HSPA12B: variants seen among roughly 807,000 people sequenced by gnomAD.
HSPA12B encodes the protein heat shock protein family A (Hsp70) member 12B.
In HSPA12B, 54 loss-of-function variants were observed where a neutral mutation model predicts 69.3. That is an observed-to-expected ratio of 0.78 (90% CI 0.63 to 0.98). The LOEUF is 0.98. Among genes scored for constraint, HSPA12B ranks in the 50% least tolerant of loss-of-function variants. HSPA12B has a pLI of 0.00. For missense variants in HSPA12B, 929 were observed against 999.8 expected (o/e 0.93, Z 0.96); for synonymous variants, 441 against 436.5 (o/e 1.01, Z -0.13).
Position 3,751,726 on chromosome 20 carries a change from C to G in HSPA12B, c.1621C>G (p.Leu541Val). Residue 541 changes from leucine (L) to valine (V), a missense_variant, in exon 13 of 13, where the codon CTC becomes GTC. Transcript: ENST00000254963. ...CGTGGTGCGGGTCCGCCGCTCGCCGCTCACCTATGGCGTGGGCGTGCTCAA... is the reference window on the plus strand; with the variant it reads ...CGTGGTGCGGGTCCGCCGCTCGCCGGTCACCTATGGCGTGGGCGTGCTCAA... ...PGVVRVRRSP[L>V]TYGVGVLNRF... The G allele has an allele frequency of 6.7e-7, 1 of 1,497,428 alleles. No homozygotes were observed. Among genetic ancestry groups the G allele is most frequent in the Non-Finnish European group, 8.9e-7 (1 of 1,127,216 alleles). The allele number at this position is 1,497,428 out of a possible 1,614,324, so 92.8% of individuals were successfully genotyped here.
rs111531950 is a variant in HSPA12B, at chr20:3,740,318, C to T, written c.44-497C>T. Among the ~76,000 whole-genome samples, 20 of 152,252 alleles carry T rather than the reference C, an allele frequency of 1.3e-4. No homozygotes were observed. The highest frequency in any genetic ancestry group is 1.9e-4 in the African/African-American group (8 of 41,536). On this transcript the variant is annotated intron_variant, in intron 2 of 12. Transcript: ENST00000254963. This position sits in a 1 kb window ranked among gnomAD's most constrained non-coding sequence, Gnocchi z 4.9. Reference sequence around the variant, plus strand: ...TTGTGGGCATGGGAGCTGCAGAGTTCCCTCAAGTCCTGATTAGAACCACGT... The same window carrying T: ...TTGTGGGCATGGGAGCTGCAGAGTTTCCTCAAGTCCTGATTAGAACCACGT...
In HSPA12B at chr20:3,752,453, G is replaced by A; in HGVS notation, c.*287G>A. Reference sequence around the variant, plus strand: ...AAGACAGAGCGCGCAGCCCGGCAAGGGGCATGTGACCCCGAAGGAAGAACG... The same window carrying A: ...AAGACAGAGCGCGCAGCCCGGCAAGAGGCATGTGACCCCGAAGGAAGAACG... On this transcript the variant is annotated 3_prime_UTR_variant, in exon 13 of 13. Transcript: ENST00000254963. 1 of 359,706 alleles carries A rather than the reference G, an allele frequency of 2.8e-6. No homozygotes were observed. The highest frequency in any genetic ancestry group is 5.0e-6 in the Non-Finnish European group (1 of 200,200). 22.3% of individuals were successfully genotyped at this position (359,706 alleles called of 1,614,324 possible). A position where few individuals can be genotyped will look rare whatever the true frequency, so the allele number is the denominator to read the frequency against.
chr20:3,740,760 C>T lies in HSPA12B; in HGVS notation c.44-55C>T, dbSNP rs960846796. 10 of 1,501,796 alleles carry T rather than the reference C, an allele frequency of 6.7e-6. No homozygotes were observed. The highest frequency in any genetic ancestry group is 4.7e-5 in the South Asian group (4 of 85,858). The allele number at this position is 1,501,796 out of a possible 1,614,324, so 93.0% of individuals were successfully genotyped here. ...CCTTTGGGTGCCTGGCTTGGGGCCC[C>T]GCTGCCATACCTACCCTGCTTGTGC... On this transcript the variant is annotated intron_variant, in intron 2 of 12. Transcript: ENST00000254963. The surrounding 1 kb of genome is among the most constrained non-coding windows in gnomAD (Gnocchi z 4.9).
intron 8 of HSPA12B, among the ~76,000 whole-genome samples, 174 bp downstream of exon 8, chr20:3,748,565 G>A (rs1468506989): frequency 1.3e-5 from 2 of 152,196 alleles, no homozygotes; most frequent in African/African-American, 2.4e-5. Flanking sequence ...GCACAGCCCT[G>A]CCCAAGGGCA....
chr20:3,747,516 C>T (rs1417775093), intron 7 of HSPA12B, among the ~76,000 whole-genome samples: 2 of 152,192 alleles, frequency 1.3e-5, no homozygotes, highest in Non-Finnish European at 2.9e-5. Flanking sequence ...CCATTCACAC[C>T]CTTATCCCTC....
rs1469705369 is a variant in HSPA12B at position 3,749,951 on chromosome 20, C to T, written c.1043-18C>T. ...CCGGCGAGCGCTGACGCCCTCTTCGCCCCCTGCTCCACCCCAGGGGGCCCT... is the reference window on the plus strand; with the variant it reads ...CCGGCGAGCGCTGACGCCCTCTTCGTCCCCTGCTCCACCCCAGGGGGCCCT... On this transcript the variant is annotated intron_variant, in intron 10 of 12. Transcript: ENST00000254963. This position sits in a 1 kb window ranked among gnomAD's most constrained non-coding sequence, Gnocchi z 5.5. 7 of 1,552,180 alleles carry T rather than the reference C, an allele frequency of 4.5e-6. No homozygotes were observed. The highest frequency in any genetic ancestry group is 6.1e-6 in the Non-Finnish European group (7 of 1,146,168).
rs145522794 is a variant in HSPA12B, at chr20:3,752,233, G to T, written c.*67G>T. The T allele has an allele frequency of 8.2e-4, 1,131 of 1,373,400 alleles. 15 individuals are homozygous for T. In the African/African-American group the frequency reaches 0.016, roughly 19 times the overall value. 85.1% of individuals were successfully genotyped at this position (1,373,400 alleles called of 1,614,324 possible). A position where few individuals can be genotyped will look rare whatever the true frequency, so the allele number is the denominator to read the frequency against. ...CCCTCTTTCGGTTCAGGGGCCTGCG[G>T]AGCGGGTTGGGGCGGGGGAAACGAT... On this transcript the variant is annotated 3_prime_UTR_variant, in exon 13 of 13. Coordinates refer to ENST00000254963, the MANE Select transcript of HSPA12B (RefSeq NM_052970.5).
intron 8 of HSPA12B, among the ~76,000 whole-genome samples, chr20:3,748,783 C>T (rs1336371685): frequency 1.3e-5 from 2 of 152,052 alleles, no homozygotes; most frequent in Non-Finnish European, 2.9e-5. Context: ...CAGCTGTCCC[C>T]TTCACTCCCC....
rs933856105 is a variant in HSPA12B, at chr20:3,732,732, C to G, written c.-80C>G. The G allele has an allele frequency of 6.6e-6, 1 of 151,764 alleles. No individual in the cohort carries two copies. Among genetic ancestry groups the G allele is most frequent in the Non-Finnish European group, 1.5e-5 (1 of 67,832 alleles). The allele number at this position is 151,764 out of a possible 1,614,324, so 9.4% of individuals were successfully genotyped here. ...CTGCGGCCGCCGCAGCGGGCACGGC[C>G]AACGAGCTGCGGGCCCGGGATCGCG... is the stretch of plus-strand genomic sequence containing the variant. On this transcript the variant is annotated 5_prime_UTR_variant, in exon 1 of 13. Transcript: ENST00000254963.
intron 4 of HSPA12B, among the ~76,000 whole-genome samples, chr20:3,743,685 T>G (rs1260032026): frequency 6.6e-6 from 1 of 152,200 alleles, no homozygotes; most frequent in East Asian, 1.9e-4. Flanking sequence ...AGTACAGATG[T>G]GTCATAATTT....
chr20:3,751,502 G>C lies in HSPA12B; in HGVS notation c.1406-9G>C. The C allele has an allele frequency of 7.1e-7, 1 of 1,410,968 alleles. No individual in the cohort carries two copies. The highest frequency in any genetic ancestry group is 9.2e-7 in the Non-Finnish European group (1 of 1,083,776). 87.4% of individuals were successfully genotyped at this position (1,410,968 alleles called of 1,614,324 possible). A position where few individuals can be genotyped will look rare whatever the true frequency, so the allele number is the denominator to read the frequency against. On this transcript the variant is annotated splice_polypyrimidine_tract_variant and intron_variant, in intron 12 of 12. Coordinates refer to ENST00000254963, the MANE Select transcript of HSPA12B (RefSeq NM_052970.5). ...CCCTTCACCCGCGTCCCCCCGTCCT[G>C]TCCCGCAGAGGCCCTGCTGGCACGG...
intron 1 of HSPA12B, among the ~76,000 whole-genome samples, chr20:3,734,041 G>A (rs1321128): frequency 0.17 from 26,044 of 152,228 alleles, 2,636 homozygotes; most frequent in East Asian, 0.3. Context: ...GGTGGCTCAC[G>A]CCTGTAATCC....
rs1373365012 is a variant in HSPA12B at position 3,752,039 on chromosome 20, GCGCGCCTCCCGGCCGCCGCGAGATC to G, written c.1941_1965del (p.Gly649CysfsTer62). On this transcript the variant is annotated frameshift_variant, in exon 13 of 13. Coordinates refer to ENST00000254963, the MANE Select transcript of HSPA12B (RefSeq NM_052970.5). LOFTEE classifies it high-confidence loss of function. ...GCCGACTGCGGCCAGGACACCGCCG[GCGCGCCTCCCGGCCGCCGCGAGATC>G]CGCGCCGCCATGCAGTTTGGCGACA... 1.3e-6 allele frequency: 2 copies of G among 1,552,456 alleles called. No homozygotes were observed. Among genetic ancestry groups the G allele is most frequent in the East Asian group, 2.4e-5 (1 of 42,438 alleles).
rs1425208348 is a variant in HSPA12B, at chr20:3,737,105, T to TAA, written c.-17-1552_-17-1551insAA. Among the ~76,000 whole-genome samples the TAA allele has an allele frequency of 6.8e-5, 10 of 147,010 alleles. No homozygotes were observed. Among genetic ancestry groups the TAA allele is most frequent in the Middle Eastern group, 3.4e-3 (1 of 292 alleles). ...ATAAATAAATAAATAAATAAATAAA[T>TAA]ATGAAATACATGTTCTGATTCAGCA... On this transcript the variant is annotated intron_variant, in intron 1 of 12. Transcript: ENST00000254963. This position sits in a 1 kb window ranked among gnomAD's most constrained non-coding sequence, Gnocchi z 4.1.
At chr20:3,751,301 G>A (rs2088415496) in intron 12 of HSPA12B, 1 of 985,358 alleles carries the variant, frequency 1.0e-6, no homozygotes, top group Admixed American at 6.1e-5. Context: ...GAGAGAAGTG[G>A]GGAGCGTGAG....
In HSPA12B at chr20:3,745,462, C is replaced by T. The variant is rs770796310; in HGVS notation, c.454-31C>T. The T allele has an allele frequency of 6.5e-7, 1 of 1,533,408 alleles. No individual in the cohort carries two copies. Among genetic ancestry groups the T allele is most frequent in the South Asian group, 1.1e-5 (1 of 89,530 alleles). 95.0% of individuals were successfully genotyped at this position (1,533,408 alleles called of 1,614,324 possible). A position where few individuals can be genotyped will look rare whatever the true frequency, so the allele number is the denominator to read the frequency against. On this transcript the variant is annotated intron_variant, in intron 5 of 12. Coordinates refer to ENST00000254963, the MANE Select transcript of HSPA12B (RefSeq NM_052970.5). The surrounding 1 kb of genome is among the most constrained non-coding windows in gnomAD (Gnocchi z 5.6). ...CAGGAAATGAGTGCCAAGCTGAGGC[C>T]TCCTGCAGAGCCGCCCTGTGTCCCT...
rs936886986 is a variant in HSPA12B, at chr20:3,737,418, C to G, written c.-17-1240C>G. On this transcript the variant is annotated intron_variant, in intron 1 of 12. Coordinates refer to ENST00000254963, the MANE Select transcript of HSPA12B (RefSeq NM_052970.5). The surrounding 1 kb of genome is among the most constrained non-coding windows in gnomAD (Gnocchi z 4.1). ...AAATTCTAGCTCAATATGATTGCGT[C>G]ACTACACTCCAGCCTGGGCAACAGA... 2.6e-5 allele frequency among the ~76,000 whole-genome samples: 4 copies of G among 152,186 alleles called. No homozygotes were observed. Among genetic ancestry groups the G allele is most frequent in the Admixed American group, 2.6e-4 (4 of 15,280 alleles).
At chr20:3,741,608 A>T (rs140821859) in intron 3 of HSPA12B, among the ~76,000 whole-genome samples, 44 of 152,290 alleles carry the variant, frequency 2.9e-4, no homozygotes, top group Non-Finnish European at 7.4e-5. Context: ...ATTTCAGCCT[A>T]GGTGACAGAG....
chr20:3,746,969 G>A (rs1176925308), intron 7 of HSPA12B, among the ~76,000 whole-genome samples: 1 of 152,140 alleles, frequency 6.6e-6, no homozygotes, highest in Non-Finnish European at 1.5e-5. Flanking sequence ...CACTTCACTT[G>A]GCATCAGTAT....
Sources: gnomAD v4.1 joint callset for allele counts (sites outside exome capture counted in the v4.1 genomes callset) on GRCh38, gnomAD v4.1.1 for gene constraint, Gnocchi (gnomAD v3.1) non-coding constraint, MANE v1.5 for transcripts, NCBI Gene and HGNC (gene_info 2026-07-23, HGNC 2026-07-21) for gene names.